The following PALM variants were observed in gnomAD, a reference collection of about 807,000 sequenced individuals.
The protein encoded by PALM is paralemmin-1.
PALM carries 18 observed loss-of-function variants against 30.7 expected under a neutral mutation model. That is an observed-to-expected ratio of 0.59 (90% confidence interval 0.41 to 0.87). The LOEUF is 0.87. PALM is among the 40% of genes least tolerant of loss of function. The pLI is 0.00. For missense variants in PALM, 529 were observed against 555.4 expected (o/e 0.95, Z 0.48); for synonymous variants, 286 against 242.8 (o/e 1.18, Z -1.66).
intron 1 of PALM, among the ~76,000 whole-genome samples, chr19:714,986 G>C (rs1292709686): frequency 6.6e-6 from 1 of 152,148 alleles, no homozygotes; most frequent in Admixed American, 6.5e-5. Context: ...CATATGGGCC[G>C]GGTGCAGTGG....
At chr19:741,213 G>A (rs1047445515) in intron 8 of PALM, among the ~76,000 whole-genome samples, 10 of 152,134 alleles carry the variant, frequency 6.6e-5, no homozygotes, top group Non-Finnish European at 1.5e-5. Flanking sequence ...AGGGGGCTGT[G>A]AGAAGTCTCA....
chr19:737,458 G>A (rs1292230439), intron 7 of PALM, among the ~76,000 whole-genome samples: 2 of 152,244 alleles, frequency 1.3e-5, no homozygotes, highest in African/African-American at 4.8e-5. Flanking sequence ...CAGGCATTGG[G>A]GGAGAGGGTA....
At chr19:744,810 C>A (rs1231977568) in intron 8 of PALM, among the ~76,000 whole-genome samples, 1 of 150,228 alleles carries the variant, frequency 6.7e-6, no homozygotes, top group African/African-American at 2.5e-5. Context: ...AGGAGAATTG[C>A]TTGAACCTAG....
At chr19:738,470 G>C (rs1360964074) in intron 7 of PALM, among the ~76,000 whole-genome samples, 1 of 151,974 alleles carries the variant, frequency 6.6e-6, no homozygotes, top group Non-Finnish European at 1.5e-5. Context: ...AGATTGCAGT[G>C]ATCTGAGATC....
rs867565897 is a variant in PALM at position 746,303 on chromosome 19, G to T, written c.653G>T (p.Gly218Val). ...TGTACAGTGGTCCATGCTGTGGACGGCACCGCCGAGAACGGGATCCACCCC... is the reference window on the plus strand; with the variant it reads ...TGTACAGTGGTCCATGCTGTGGACGTCACCGCCGAGAACGGGATCCACCCC... ...DETKVVHAVDGTAENGIHPLS... is the reference protein window; with the variant it reads ...DETKVVHAVDVTAENGIHPLS... The change falls in exon 9 of 9, where the codon GGC becomes GTC. Residue 218 changes from glycine (G) to valine (V), a missense_variant. By Grantham distance (109) the Gly-to-Val change is moderately radical (BLOSUM62 -3). Coordinates refer to ENST00000338448, the MANE Select transcript of PALM (RefSeq NM_002579.3). The surrounding 1 kb of genome is among the most constrained non-coding windows in gnomAD (Gnocchi z 7.1). The T allele has an allele frequency of 6.2e-7, 1 of 1,612,974 alleles. No individual in the cohort carries two copies. Among genetic ancestry groups the T allele is most frequent in the Non-Finnish European group, 8.5e-7 (1 of 1,179,420 alleles).
At chr19:710,974 G>C (rs1047771890) in intron 1 of PALM, among the ~76,000 whole-genome samples, 1 of 152,234 alleles carries the variant, frequency 6.6e-6, no homozygotes, top group Non-Finnish European at 1.5e-5. Flanking sequence ...GGCCCCGTCC[G>C]CTAGAACGTG....
At chr19:736,328 G>A (rs879283799) in intron 7 of PALM, among the ~76,000 whole-genome samples, 5 of 152,158 alleles carry the variant, frequency 3.3e-5, no homozygotes, top group Non-Finnish European at 7.3e-5. Context: ...CACGCATGGC[G>A]GCTCTAACCG....
chr19:737,571 G>A (rs932440673), intron 7 of PALM, among the ~76,000 whole-genome samples: 2 of 151,998 alleles, frequency 1.3e-5, no homozygotes, highest in Non-Finnish European at 2.9e-5. Context: ...GGAGGGGAGC[G>A]TTCAACGTAA....
intron 4 of PALM, among the ~76,000 whole-genome samples, chr19:730,389 A>T (rs1412962681): frequency 1.3e-5 from 2 of 152,136 alleles, no homozygotes; most frequent in Non-Finnish European, 2.9e-5. Flanking sequence ...GGGATTTCAT[A>T]TCCCGGTTTT....
chr19:726,917 C>T lies in PALM; in HGVS notation c.58-91C>T, dbSNP rs1418912240. ...CACGAGGATCCCCGGACAGAGGAAG[C>T]AGGATCGGGCTGGGCAGAGCCTTGT... On this transcript the variant is annotated intron_variant, in intron 2 of 8. Coordinates refer to ENST00000338448, the MANE Select transcript of PALM (RefSeq NM_002579.3). The T allele has an allele frequency of 2.5e-5, 20 of 790,894 alleles. 1 individual carries two copies. The East Asian group carries it at 5.2e-4, about 21-fold the overall frequency. 49.0% of individuals were successfully genotyped at this position (790,894 alleles called of 1,614,324 possible).
intron 7 of PALM, among the ~76,000 whole-genome samples, chr19:736,318 C>T (rs2033023619): frequency 6.6e-6 from 1 of 152,190 alleles, no homozygotes; most frequent in African/African-American, 2.4e-5. Flanking sequence ...AGACGGGCCC[C>T]ACGCATGGCG....
rs78930058 is a variant in PALM, at chr19:747,311, C to G, written c.*497C>G. The stretch of plus-strand genomic sequence containing the variant: ...GCTCTATGGGGTTCCCTGGCCAAGG[C>G]GCTGGCCCCCCAATCTCAGGCAGTT... On this transcript the variant is annotated 3_prime_UTR_variant, in exon 9 of 9. Transcript: ENST00000338448. 1 of 157,334 alleles carries G rather than the reference C, an allele frequency of 6.4e-6. No homozygotes were observed. Among genetic ancestry groups the G allele is most frequent in the East Asian group, 1.9e-4 (1 of 5,226 alleles). 9.7% of individuals were successfully genotyped at this position (157,334 alleles called of 1,614,324 possible). A position where few individuals can be genotyped will look rare whatever the true frequency, so the allele number is the denominator to read the frequency against.
rs549043344 is a variant in PALM, at chr19:742,171, G to A, written c.634+1688G>A. ...GACCCTGTCTCAAAAACAAGAAAGA[G>A]GAGAGAAGCCCCATCCCCATCAGCT... On this transcript the variant is annotated intron_variant, in intron 8 of 8. Coordinates refer to ENST00000338448, the MANE Select transcript of PALM (RefSeq NM_002579.3). This position sits in a 1 kb window ranked among gnomAD's most constrained non-coding sequence, Gnocchi z 5.5. 1.9e-4 allele frequency among the ~76,000 whole-genome samples: 29 copies of A among 152,190 alleles called. No individual in the cohort carries two copies. Among genetic ancestry groups the A allele is most frequent in the Middle Eastern group, 3.4e-3 (1 of 294 alleles).
chr19:744,349 G>A (rs1368523996), intron 8 of PALM, among the ~76,000 whole-genome samples: 6 of 150,254 alleles, frequency 4.0e-5, no homozygotes, highest in Admixed American at 2.7e-4. Context: ...GCAGTGAGCC[G>A]AGATGGCACC....
chr19:719,136 C>T, intron 1 of PALM: 1 of 985,394 alleles, frequency 1.0e-6, no homozygotes, highest in South Asian at 4.7e-5. Context: ...CAGGGACCCC[C>T]TCGTTCTGGC....
At chr19:745,793 T>A (rs1183524519) in intron 8 of PALM, among the ~76,000 whole-genome samples, 1 of 152,060 alleles carries the variant, frequency 6.6e-6, no homozygotes, top group African/African-American at 2.4e-5. Context: ...GCCTGGTGGC[T>A]CACGCCTGTG....
rs2144882947 is a variant in PALM at position 727,557 on chromosome 19, T to C, written c.139-7T>C. 6.3e-7 allele frequency: 1 copy of C among 1,584,794 alleles called. No homozygotes were observed. Among genetic ancestry groups the C allele is most frequent in the Non-Finnish European group, 8.6e-7 (1 of 1,165,822 alleles). ...CCACGACTCTGACCTGGATCCCTGC[T>C]GCTCAGTCCAAGGCACTGCGGGAGC... On this transcript the variant is annotated splice_region_variant and splice_polypyrimidine_tract_variant and intron_variant, in intron 3 of 8. Transcript: ENST00000338448.
chr19:733,401 A>G (rs1008079409), intron 5 of PALM, among the ~76,000 whole-genome samples: 2 of 152,244 alleles, frequency 1.3e-5, no homozygotes, highest in African/African-American at 4.8e-5. Flanking sequence ...AGGGAGCATC[A>G]GACACCACAG....
intron 1 of PALM, among the ~76,000 whole-genome samples, chr19:712,107 C>A (rs1216336673): frequency 1.3e-5 from 2 of 152,078 alleles, no homozygotes; most frequent in East Asian, 3.8e-4. Context: ...ACTGCAACCT[C>A]CGCCTCCCGG....
Sources: allele counts gnomAD v4.1 joint callset (sites outside exome capture counted in the v4.1 genomes callset), GRCh38; gene constraint gnomAD v4.1.1; non-coding constraint Gnocchi (gnomAD v3.1); transcripts MANE v1.5; gene names NCBI Gene and HGNC (gene_info 2026-07-23, HGNC 2026-07-21).